The following NALF1 variants were observed in gnomAD, a reference collection of about 807,000 sequenced individuals.
NALF1 encodes the protein family with sequence similarity 155 member A.
NALF1 carries 3 observed loss-of-function variants against 48.4 expected under a neutral mutation model. The observed-to-expected ratio is 0.06, with a 90% CI of 0.03 to 0.16. The LOEUF (loss-of-function observed/expected upper bound fraction) is 0.16. Among genes scored for constraint, NALF1 ranks in the 10% least tolerant of loss-of-function variants. The pLI, the probability that NALF1 is intolerant of heterozygous loss-of-function variation, is 1.00. For synonymous variants in NALF1, 262 were observed against 245.7 expected (o/e 1.07, Z -0.62); for missense variants, 526 against 571.5 (o/e 0.92, Z 0.81).
chr13:107,291,703 T>C (rs1253806669), intron 1 of NALF1, among the ~76,000 whole-genome samples: 4 of 152,162 alleles, frequency 2.6e-5, no homozygotes, highest in Non-Finnish European at 4.4e-5. Flanking sequence ...TGATAAAAGA[T>C]AAGTTAAAGC....
At chr13:107,677,776 TGCG>T (rs1424868348) in intron 1 of NALF1, among the ~76,000 whole-genome samples, 1 of 152,178 alleles carries the variant, frequency 6.6e-6, no homozygotes, top group Non-Finnish European at 1.5e-5. Flanking sequence ...ATCTATAGTC[TGCG>T]ATTATACTGT....
At chr13:107,551,125 C>T (rs1416711000) in intron 1 of NALF1, among the ~76,000 whole-genome samples, 3 of 152,092 alleles carry the variant, frequency 2.0e-5, no homozygotes, top group African/African-American at 7.2e-5. Context: ...TCTGGTCGTA[C>T]TGCGTCTGAA....
chr13:107,761,242 A>G (rs1488748725), intron 1 of NALF1, among the ~76,000 whole-genome samples: 2 of 152,114 alleles, frequency 1.3e-5, no homozygotes, highest in Admixed American at 6.6e-5. Context: ...CTGTAGTTCC[A>G]GCTACTCGGG....
At chr13:107,725,510 C>T (rs1876121696) in intron 1 of NALF1, among the ~76,000 whole-genome samples, 1 of 152,254 alleles carries the variant, frequency 6.6e-6, no homozygotes, top group East Asian at 1.9e-4. Flanking sequence ...GAGTTCGAGA[C>T]CAGCCTGGCC....
At chr13:107,625,770 C>T (rs965262198) in intron 1 of NALF1, among the ~76,000 whole-genome samples, 1 of 152,062 alleles carries the variant, frequency 6.6e-6, no homozygotes, top group Non-Finnish European at 1.5e-5. Context: ...AGCTACACTA[C>T]ACCAACAAAA....
At chr13:107,672,902 C>G (rs1286284679) in intron 1 of NALF1, among the ~76,000 whole-genome samples, 2 of 152,074 alleles carry the variant, frequency 1.3e-5, no homozygotes, top group South Asian at 2.1e-4. Context: ...TCGCCTTTTT[C>G]TCCCCGCGCC....
intron 2 of NALF1, among the ~76,000 whole-genome samples, chr13:107,196,065 C>T (rs1347138999): frequency 6.6e-6 from 1 of 152,182 alleles, no homozygotes; most frequent in African/African-American, 2.4e-5. Flanking sequence ...AAACCAAATA[C>T]TGCATGTTCA....
At chr13:107,585,657 T>C (rs1171679597) in intron 1 of NALF1, among the ~76,000 whole-genome samples, 2 of 152,172 alleles carry the variant, frequency 1.3e-5, no homozygotes, top group African/African-American at 4.8e-5. Flanking sequence ...TATCATCACC[T>C]ACTTCCTGCT....
At chr13:107,626,616 G>A (rs935346364) in intron 1 of NALF1, among the ~76,000 whole-genome samples, 3 of 152,056 alleles carry the variant, frequency 2.0e-5, no homozygotes, top group African/African-American at 7.2e-5. Context: ...ATCATCTGCA[G>A]CAATAGTAAC....
intron 1 of NALF1, among the ~76,000 whole-genome samples, chr13:107,502,473 A>C (rs1181137900): frequency 6.6e-6 from 1 of 152,202 alleles, no homozygotes; most frequent in Non-Finnish European, 1.5e-5. Context: ...TCATAAAACA[A>C]GTGAGAGCTA....
At chr13:107,689,051 T>A (rs1881506898) in intron 1 of NALF1, among the ~76,000 whole-genome samples, 2 of 152,226 alleles carry the variant, frequency 1.3e-5, no homozygotes, top group African/African-American at 2.4e-5. Context: ...TGTCATGGAC[T>A]GGACAGGAAG....
At chr13:107,266,724 G>A (rs909951807) in intron 1 of NALF1, among the ~76,000 whole-genome samples, 1 of 152,036 alleles carries the variant, frequency 6.6e-6, no homozygotes. Context: ...AATTTTTAGG[G>A]TCAAAAAAAC....
At chr13:107,565,086 C>A (rs1469504617) in intron 1 of NALF1, among the ~76,000 whole-genome samples, 4 of 120,256 alleles carry the variant, frequency 3.3e-5, no homozygotes, top group Non-Finnish European at 3.5e-5. Flanking sequence ...AAAAAAAAAC[C>A]TAGCATAAGT....
intron 1 of NALF1, among the ~76,000 whole-genome samples, chr13:107,349,561 T>C (rs1882833989): frequency 6.6e-6 from 1 of 151,844 alleles, no homozygotes; most frequent in Non-Finnish European, 1.5e-5. Context: ...ACCAACATGG[T>C]GAAACCCCAT....
At chr13:107,556,428 C>T (rs1877485228) in intron 1 of NALF1, among the ~76,000 whole-genome samples, 1 of 151,664 alleles carries the variant, frequency 6.6e-6, no homozygotes, top group Non-Finnish European at 1.5e-5. Context: ...AACATTAAAA[C>T]TCGAGAACTT....
intron 1 of NALF1, among the ~76,000 whole-genome samples, chr13:107,683,640 T>A (rs1319002496): frequency 6.6e-6 from 1 of 152,216 alleles, no homozygotes; most frequent in African/African-American, 2.4e-5. Flanking sequence ...GGTTTTGTCC[T>A]TTCTTAGCTG....
chr13:107,198,895 C>A (rs537161474), intron 2 of NALF1, among the ~76,000 whole-genome samples: 1 of 152,156 alleles, frequency 6.6e-6, no homozygotes, highest in Admixed American at 6.5e-5. Flanking sequence ...CCTTTTTATA[C>A]GCTGTTATGG....
intron 1 of NALF1, among the ~76,000 whole-genome samples, chr13:107,784,429 T>C (rs1241720682): frequency 6.6e-6 from 1 of 152,216 alleles, no homozygotes; most frequent in African/African-American, 2.4e-5. Flanking sequence ...TTTTCTTCTT[T>C]ATATAGAATA....
At chr13:107,242,950 A>G (rs1454469407) in intron 1 of NALF1, among the ~76,000 whole-genome samples, 1 of 152,064 alleles carries the variant, frequency 6.6e-6, no homozygotes, top group East Asian at 1.9e-4. Flanking sequence ...TCTTCCCTTT[A>G]CCACCATGAC....
Sources: allele counts gnomAD v4.1 joint callset (sites outside exome capture counted in the v4.1 genomes callset), GRCh38; gene constraint gnomAD v4.1.1; transcripts MANE v1.5; gene names NCBI Gene and HGNC (gene_info 2026-07-23, HGNC 2026-07-21).